PTPRD: variants seen among roughly 807,000 people sequenced by gnomAD.
PTPRD encodes the protein protein tyrosine phosphatase receptor type D, also known as receptor-type tyrosine-protein phosphatase delta.
Under a neutral mutation model 214.5 loss-of-function variants are expected in PTPRD, and 34 were observed. The ratio of observed to expected loss-of-function variants is 0.16; its 90% CI spans 0.12 to 0.21. The LOEUF (loss-of-function observed/expected upper bound fraction) is 0.21. Among genes scored for constraint, PTPRD ranks in the 10% least tolerant of loss-of-function variants. The probability of loss-of-function intolerance (pLI) is 1.00; values close to 1 mark genes in which losing one functional copy is unlikely to be tolerated. For synonymous variants in PTPRD, 1,128 were observed against 845.7 expected (o/e 1.33, Z -5.79); for missense variants, 2,545 against 2,398.7 (o/e 1.06, Z -1.27).
chr9:9,670,187 T>C (rs937028198), intron 7 of PTPRD, among the ~76,000 whole-genome samples: 2 of 152,138 alleles, frequency 1.3e-5, no homozygotes, highest in Non-Finnish European at 2.9e-5. Context: ...GTGTTTAATG[T>C]AGAAGCAACA....
intron 31 of PTPRD, among the ~76,000 whole-genome samples, chr9:8,470,207 C>A (rs552843112): frequency 6.6e-6 from 1 of 152,094 alleles, no homozygotes; most frequent in Non-Finnish European, 1.5e-5. Context: ...GTGAATTCTA[C>A]TCATTAACTT....
At chr9:8,439,032 A>C (rs1303670642) in intron 34 of PTPRD, among the ~76,000 whole-genome samples, 1 of 152,244 alleles carries the variant, frequency 6.6e-6, no homozygotes, top group East Asian at 1.9e-4. Flanking sequence ...ATATACATAT[A>C]TGTATCACAT....
intron 3 of PTPRD, among the ~76,000 whole-genome samples, chr9:10,208,365 T>A (rs1447192780): frequency 3.9e-5 from 6 of 152,014 alleles, no homozygotes; most frequent in South Asian, 2.1e-4. Context: ...ATACAAAAAA[T>A]TAGCCGGGCG....
chr9:8,998,928 A>C (rs890313652), intron 11 of PTPRD, among the ~76,000 whole-genome samples: 1 of 152,040 alleles, frequency 6.6e-6, no homozygotes, highest in African/African-American at 2.4e-5. Context: ...ATGTGGTGAA[A>C]ACAGCAAGAG....
intron 2 of PTPRD, among the ~76,000 whole-genome samples, chr9:10,473,352 C>T (rs2099043242): frequency 6.6e-6 from 1 of 152,070 alleles, no homozygotes; most frequent in Non-Finnish European, 1.5e-5. Flanking sequence ...AGTTGGAAAG[C>T]CACCATAGTT....
intron 4 of PTPRD, among the ~76,000 whole-genome samples, chr9:9,987,747 A>T (rs922923079): frequency 1.3e-5 from 2 of 152,214 alleles, no homozygotes; most frequent in Non-Finnish European, 2.9e-5. Context: ...ATAGTATTTA[A>T]TTGTTCATAC....
At chr9:8,443,113 C>T (rs943768589) in intron 34 of PTPRD, among the ~76,000 whole-genome samples, 6 of 152,004 alleles carry the variant, frequency 3.9e-5, no homozygotes, top group East Asian at 3.9e-4. Flanking sequence ...CCACTGCACT[C>T]GAGCCTGGAC....
intron 9 of PTPRD, among the ~76,000 whole-genome samples, chr9:9,359,342 G>A (rs557073550): frequency 2.6e-5 from 4 of 151,202 alleles, no homozygotes; most frequent in South Asian, 2.1e-4. Flanking sequence ...AGGACACTTC[G>A]GGGACTACAA....
chr9:9,242,393 C>A (rs1352213408), intron 9 of PTPRD, among the ~76,000 whole-genome samples: 3 of 152,120 alleles, frequency 2.0e-5, no homozygotes, highest in Non-Finnish European at 4.4e-5. Context: ...TGTTGACCTG[C>A]CTTGCTAGAT....
intron 3 of PTPRD, among the ~76,000 whole-genome samples, chr9:10,262,319 T>C (rs1027003890): frequency 6.6e-6 from 1 of 152,180 alleles, no homozygotes; most frequent in Non-Finnish European, 1.5e-5. Context: ...GCATATATTT[T>C]AGTTTGATAC....
intron 6 of PTPRD, among the ~76,000 whole-genome samples, chr9:9,741,523 G>T (rs2098402176): frequency 6.6e-6 from 1 of 152,004 alleles, no homozygotes; most frequent in Admixed American, 6.6e-5. Flanking sequence ...TGTTACATAG[G>T]TATACATGTG....
intron 11 of PTPRD, among the ~76,000 whole-genome samples, chr9:9,003,599 CTAA>C (rs2099434493): frequency 1.3e-5 from 2 of 152,038 alleles, no homozygotes; most frequent in African/African-American, 4.8e-5. Context: ...AAACAGTCAT[CTAA>C]CTCTAGCATA....
chr9:9,220,395 T>G (rs564434541), intron 9 of PTPRD, among the ~76,000 whole-genome samples: 1 of 151,648 alleles, frequency 6.6e-6, no homozygotes, highest in African/African-American at 2.4e-5. Context: ...GCATTACTGA[T>G]AAATCTTACC....
At chr9:8,479,713 A>C (rs2096840630) in intron 30 of PTPRD, among the ~76,000 whole-genome samples, 1 of 152,228 alleles carries the variant, frequency 6.6e-6, no homozygotes, top group African/African-American at 2.4e-5. Context: ...AGCCTCTAAA[A>C]GGTCATTTTT....
chr9:9,809,528 T>C (rs1243139318), intron 5 of PTPRD, among the ~76,000 whole-genome samples: 1 of 152,154 alleles, frequency 6.6e-6, no homozygotes, highest in African/African-American at 2.4e-5. Flanking sequence ...CCTCCCAAAG[T>C]GCTGGGATTA....
At chr9:8,667,689 A>G (rs2097197173) in intron 12 of PTPRD, among the ~76,000 whole-genome samples, 1 of 152,128 alleles carries the variant, frequency 6.6e-6, no homozygotes, top group African/African-American at 2.4e-5. Flanking sequence ...TAAAATATAA[A>G]TGAATTTTGT....
rs1258512081 is a variant in PTPRD, at chr9:9,862,528, T to C, written c.-368+75979A>G. Among the ~76,000 whole-genome samples, 2 of 152,216 alleles carry C rather than the reference T, an allele frequency of 1.3e-5. 1 individual carries two copies. The highest frequency in any genetic ancestry group is 4.8e-5 in the African/African-American group (2 of 41,454). Reference sequence around the variant, plus strand: ...TTTTTCCCATATTTTCTCATCCCTGTTTTAATTTTCTGACATGGCAAAGGC... The same window carrying C: ...TTTTTCCCATATTTTCTCATCCCTGCTTTAATTTTCTGACATGGCAAAGGC... On this transcript the variant is annotated intron_variant, in intron 5 of 45. Coordinates refer to ENST00000381196, the MANE Select transcript of PTPRD (RefSeq NM_002839.4).
intron 8 of PTPRD, among the ~76,000 whole-genome samples, chr9:9,496,153 AG>A (rs928415287): frequency 3.9e-5 from 6 of 152,304 alleles, no homozygotes; most frequent in African/African-American, 1.2e-4. Flanking sequence ...TTGATTTGAC[AG>A]TGTTTTCTTG....
At chr9:9,250,696 T>C (rs575049579) in intron 9 of PTPRD, among the ~76,000 whole-genome samples, 1 of 152,026 alleles carries the variant, frequency 6.6e-6, no homozygotes, top group South Asian at 2.1e-4. Flanking sequence ...TTGGCCTTTT[T>C]GGGACTCTGC....
Sources: allele counts gnomAD v4.1 joint callset (sites outside exome capture counted in the v4.1 genomes callset), GRCh38; gene constraint gnomAD v4.1.1; transcripts MANE v1.5; gene names NCBI Gene and HGNC (gene_info 2026-07-23, HGNC 2026-07-21).